CALCRL: variants seen among roughly 807,000 people sequenced by gnomAD.
CALCRL encodes the protein calcitonin receptor like receptor.
Under a neutral mutation model 60.4 loss-of-function variants are expected in CALCRL, and 27 were observed. The observed-to-expected ratio is 0.45, with a 90% CI of 0.33 to 0.62. The LOEUF is 0.62. CALCRL is among the 20% of genes least tolerant of loss of function. The probability of loss-of-function intolerance (pLI) is 0.03; values close to 1 mark genes in which losing one functional copy is unlikely to be tolerated. For synonymous variants in CALCRL, 190 were observed against 182.6 expected, an observed-to-expected ratio of 1.04 and a Z score of -0.33; for missense variants, 424 against 540.7, an observed-to-expected ratio of 0.78 and a Z score of 2.14.
intron 5 of CALCRL, among the ~76,000 whole-genome samples, chr2:187,381,156 T>C (rs1290460734): frequency 1.3e-5 from 2 of 152,098 alleles, no homozygotes; most frequent in Admixed American, 6.5e-5. Context: ...GAAACATGTT[T>C]AATTTTAGAA....
intron 1 of CALCRL, among the ~76,000 whole-genome samples, chr2:187,397,714 A>G (rs1203703293): frequency 6.6e-6 from 1 of 151,456 alleles, no homozygotes; most frequent in African/African-American, 2.4e-5. Context: ...ACCCTTCTAA[A>G]CCACCAAAGT....
At chr2:187,395,920 A>T (rs563256657) in intron 1 of CALCRL, among the ~76,000 whole-genome samples, 11 of 152,008 alleles carry the variant, frequency 7.2e-5, no homozygotes, top group Non-Finnish European at 1.0e-4. Flanking sequence ...AGAGTTCAAA[A>T]TTTATATGAA....
At chr2:187,384,492 A>T (rs2105787936) in intron 4 of CALCRL, among the ~76,000 whole-genome samples, 1 of 152,314 alleles carries the variant, frequency 6.6e-6, no homozygotes, top group Non-Finnish European at 1.5e-5. Context: ...CTGTTACAGA[A>T]TTACCTGCAG....
At chr2:187,444,735 T>TGTAAGAAG (rs1691089797) in intron 1 of CALCRL, among the ~76,000 whole-genome samples, 1 of 151,556 alleles carries the variant, frequency 6.6e-6, no homozygotes, top group South Asian at 2.1e-4. Context: ...AAGACCTTAT[T>TGTAAGAAG]ATGTCCTTAA....
chr2:187,392,197 T>C (rs1409397903), intron 1 of CALCRL, among the ~76,000 whole-genome samples: 1 of 152,168 alleles, frequency 6.6e-6, no homozygotes, highest in Non-Finnish European at 1.5e-5. Flanking sequence ...AGCCCTAATA[T>C]TGAAAGTGTA....
At position 187,347,626 on chromosome 2, in the gene CALCRL, A is replaced by AAC. The variant is rs377039086; in HGVS notation, c.1171-1229_1171-1228dup. On this transcript the variant is annotated intron_variant, in intron 14 of 14. Transcript: ENST00000392370. ...GTTATTTCCTAGTCTAATGGATTAAAACACACACACACACACATACACACA... is the reference window on the plus strand; with the variant it reads ...GTTATTTCCTAGTCTAATGGATTAAAACACACACACACACACACATACACACA... 5.5e-3 allele frequency among the ~76,000 whole-genome samples: 823 copies of AAC among 150,548 alleles called. 3 individuals carry two copies. Among genetic ancestry groups the AAC allele is most frequent in the African/African-American group, 0.017 (688 of 41,196 alleles).
intron 8 of CALCRL, among the ~76,000 whole-genome samples, chr2:187,367,880 A>C (rs975438883): frequency 1.3e-5 from 2 of 152,086 alleles, no homozygotes; most frequent in African/African-American, 4.8e-5. Flanking sequence ...ATGCCATTTC[A>C]ACATGCAATT....
intron 1 of CALCRL, among the ~76,000 whole-genome samples, chr2:187,413,509 A>G (rs1057474544): frequency 1.3e-5 from 2 of 152,178 alleles, no homozygotes; most frequent in Non-Finnish European, 2.9e-5. Flanking sequence ...CGATAAGACT[A>G]TAATAGAAGA....
chr2:187,423,838 T>A (rs1294431906), intron 1 of CALCRL, among the ~76,000 whole-genome samples: 7 of 152,056 alleles, frequency 4.6e-5, no homozygotes, highest in Non-Finnish European at 1.0e-4. Context: ...ATACAGTAAA[T>A]GTGATAAACA....
intron 4 of CALCRL, among the ~76,000 whole-genome samples, chr2:187,385,228 T>G (rs542946624): frequency 1.5e-4 from 23 of 152,314 alleles, no homozygotes; most frequent in African/African-American, 5.5e-4. Context: ...CAATTCTGGT[T>G]GAAAATATTT....
chr2:187,397,982 T>C (rs988693572), intron 1 of CALCRL, among the ~76,000 whole-genome samples: 2 of 151,724 alleles, frequency 1.3e-5, no homozygotes, highest in African/African-American at 4.8e-5. Context: ...GACTTCACTT[T>C]ACACTGTAAT....
rs923446448 is a variant in CALCRL at position 187,348,112 on chromosome 2, C to A, written c.1171-1713G>T. Among the ~76,000 whole-genome samples the A allele has an allele frequency of 2.0e-5, 3 of 151,734 alleles. No individual in the cohort carries two copies. The South Asian group carries it at 6.2e-4, about 32-fold the overall frequency. On this transcript the variant is annotated intron_variant, in intron 14 of 14. Coordinates refer to ENST00000392370, the MANE Select transcript of CALCRL (RefSeq NM_005795.6). ...ATTTATCTTGCAAAAATTAAACTTT[C>A]CTCTCAATTTAGTAATATAATTCTA...
intron 14 of CALCRL, among the ~76,000 whole-genome samples, chr2:187,349,640 G>A (rs894582596): frequency 4.6e-5 from 7 of 151,758 alleles, no homozygotes; most frequent in African/African-American, 1.7e-4. Flanking sequence ...GGAACTGAAA[G>A]ATTTGGGAAC....
intron 5 of CALCRL, among the ~76,000 whole-genome samples, chr2:187,382,560 G>T (rs1050342078): frequency 3.3e-5 from 5 of 152,108 alleles, no homozygotes; most frequent in Non-Finnish European, 1.5e-5. Context: ...AAGGTTGCCA[G>T]GTAAAATATA....
At chr2:187,359,010 GA>G in intron 12 of CALCRL, 52 bp downstream of exon 12, 2 of 1,420,700 alleles carry the variant, frequency 1.4e-6, no homozygotes, top group South Asian at 2.3e-5. Context: ...AGATGATTCA[GA>G]AATAAAGTTG....
At chr2:187,350,271 A>G (rs1459805560) in intron 14 of CALCRL, among the ~76,000 whole-genome samples, 2 of 151,730 alleles carry the variant, frequency 1.3e-5, no homozygotes, top group Admixed American at 6.6e-5. Flanking sequence ...CATGTTGTCC[A>G]TATCACTCTC....
intron 4 of CALCRL, 53 bp from the exon 5 acceptor site, chr2:187,383,358 T>C (rs946378548): frequency 8.7e-6 from 13 of 1,492,768 alleles, no homozygotes; most frequent in Non-Finnish European, 1.1e-5. Flanking sequence ...ATTATGAAAA[T>C]GTGTTTGTCA....
intron 1 of CALCRL, among the ~76,000 whole-genome samples, chr2:187,419,933 T>C (rs1296813936): frequency 6.6e-6 from 1 of 152,218 alleles, no homozygotes. Context: ...TGGAGTCATA[T>C]GCTAATCTTT....
At chr2:187,386,088 TTTTAA>T (rs1688193727) in intron 3 of CALCRL, among the ~76,000 whole-genome samples, 1 of 152,078 alleles carries the variant, frequency 6.6e-6, no homozygotes, top group African/African-American at 2.4e-5. Context: ...TATAAATACA[TTTTAA>T]TTTAATTTAA....
Sources: allele counts gnomAD v4.1 joint callset (sites outside exome capture counted in the v4.1 genomes callset), GRCh38; gene constraint gnomAD v4.1.1; transcripts MANE v1.5; gene names NCBI Gene and HGNC (gene_info 2026-07-23, HGNC 2026-07-21).